Variants in SLC9C1 observed in about 807,000 individuals in gnomAD.
The protein encoded by SLC9C1 is sodium/hydrogen exchanger 10.
A neutral mutation model predicts 140.9 loss-of-function variants in SLC9C1; 97 were observed. The observed-to-expected ratio is 0.69, with a 90% CI of 0.58 to 0.82. The LOEUF is 0.82. Ranked by LOEUF, SLC9C1 falls within the 40% of genes least tolerant of loss-of-function variation. The pLI is 0.00. For synonymous variants in SLC9C1, 440 were observed against 442.6 expected, an observed-to-expected ratio of 0.99 and a Z score of 0.07; for missense variants, 1,340 against 1,389.3, an observed-to-expected ratio of 0.96 and a Z score of 0.56.
At position 112,182,222 on chromosome 3, in the gene SLC9C1, G is replaced by T. The variant is rs765570608; in HGVS notation, c.2560C>A (p.Gln854Lys). 2 of 1,606,086 alleles carry T rather than the reference G, an allele frequency of 1.2e-6. No homozygotes were observed. The highest frequency in any genetic ancestry group is 3.4e-5 in the Admixed American group (2 of 59,172). ...ACAGTAAGAGGCCTGATAATAGATT[G>T]AGAATCAAGCACCTCTTTCTTTTTG... ...MAKKKEVLDS[Q>K]SIIRPLTVEE... Residue 854 changes from glutamine to lysine, a missense_variant, in exon 21 of 29, where the codon CAA (glutamine) becomes AAA (lysine). Transcript: ENST00000305815.
chr3:112,150,567 A>T (rs1423336589), intron 28 of SLC9C1, among the ~76,000 whole-genome samples: 1 of 151,872 alleles, frequency 6.6e-6, no homozygotes, highest in Non-Finnish European at 1.5e-5. Context: ...GCTCACGGAG[A>T]TAATTTTTAT....
At chr3:112,275,310 G>A (rs2080184690) in intron 5 of SLC9C1, among the ~76,000 whole-genome samples, 1 of 152,094 alleles carries the variant, frequency 6.6e-6, no homozygotes, top group Admixed American at 6.6e-5. Context: ...ATACATGCAT[G>A]ATAAATCAGA....
At chr3:112,277,889 T>G (rs780401015) in intron 4 of SLC9C1, 29 bp from the exon 5 acceptor site, 1 of 1,551,682 alleles carries the variant, frequency 6.4e-7, no homozygotes, top group South Asian at 1.2e-5. Flanking sequence ...ATTAGAAAAA[T>G]CAGACTGCTT....
chr3:112,186,409 ATAG>A (rs1265220182), intron 20 of SLC9C1, among the ~76,000 whole-genome samples: 1 of 152,172 alleles, frequency 6.6e-6, no homozygotes, highest in Non-Finnish European at 1.5e-5. Context: ...TATGAATTTA[ATAG>A]TATAAGAACT....
intron 28 of SLC9C1, chr3:112,147,387 G>T: frequency 4.8e-6 from 1 of 209,564 alleles, no homozygotes. Context: ...GGCCTGCAAG[G>T]TATGTACATG....
At chr3:112,285,739 T>C (rs1203665563) in intron 2 of SLC9C1, among the ~76,000 whole-genome samples, 4 of 152,194 alleles carry the variant, frequency 2.6e-5, no homozygotes. Flanking sequence ...TTTTTCCTTA[T>C]GGTATTCAGT....
intron 13 of SLC9C1, among the ~76,000 whole-genome samples, chr3:112,229,196 G>A (rs756159375): frequency 6.6e-6 from 1 of 152,070 alleles, no homozygotes; most frequent in Non-Finnish European, 1.5e-5. Flanking sequence ...GGAGCTAGCA[G>A]GAATAGGTTG....
At chr3:112,172,480 T>A (rs2077264744) in intron 23 of SLC9C1, among the ~76,000 whole-genome samples, 1 of 152,126 alleles carries the variant, frequency 6.6e-6, no homozygotes, top group Non-Finnish European at 1.5e-5. Flanking sequence ...AATGTAGATA[T>A]CATGCCATCT....
chr3:112,260,860 T>A (rs947078640), intron 10 of SLC9C1, among the ~76,000 whole-genome samples: 1 of 152,026 alleles, frequency 6.6e-6, no homozygotes, highest in Non-Finnish European at 1.5e-5. Context: ...TCCTGCAAAA[T>A]CTCTGCTTGT....
At chr3:112,250,619 T>C (rs547754747) in intron 10 of SLC9C1, among the ~76,000 whole-genome samples, 3 of 152,278 alleles carry the variant, frequency 2.0e-5, no homozygotes, top group South Asian at 4.1e-4. Flanking sequence ...TGTAGACATA[T>C]AGATGGCCAA....
At position 112,162,575 on chromosome 3, in the gene SLC9C1, A is replaced by G. The variant is rs530409199; in HGVS notation, c.3364+4646T>C. On this transcript the variant is annotated intron_variant, in intron 26 of 28. Transcript: ENST00000305815. ...TCTGTTTATATGCTGGAGTACATTT[A>G]TTGATTTGCGTATATTGAACCAGCC... 9.2e-5 allele frequency among the ~76,000 whole-genome samples: 14 copies of G among 152,312 alleles called. 1 individual carries two copies. The highest frequency in any genetic ancestry group is 3.4e-4 in the African/African-American group (14 of 41,566).
At chr3:112,206,500 C>T (rs1177192499) in intron 16 of SLC9C1, among the ~76,000 whole-genome samples, 1 of 151,974 alleles carries the variant, frequency 6.6e-6, no homozygotes, top group Admixed American at 6.6e-5. Context: ...TGGGTAGATA[C>T]CTAAAGGATT....
At position 112,278,833 on chromosome 3, in the gene SLC9C1, G is replaced by T. The variant is rs766665435; in HGVS notation, c.214C>A (p.Gln72Lys). ...AAAAATAAGTCTGGACTCATCCATTGTATGGCGTTTGCGTATCTTTGGACC... is the reference window on the plus strand; with the variant it reads ...AAAAATAAGTCTGGACTCATCCATTTTATGGCGTTTGCGTATCTTTGGACC... ...SQVQRYANAI[Q>K]WMSPDLFFRI... The change falls in exon 4 of 29, where the codon CAA (glutamine) becomes AAA (lysine). Residue 72 changes from glutamine to lysine, a missense_variant. By Grantham distance (53) the Gln-to-Lys change is moderately conservative (BLOSUM62 1). Coordinates refer to ENST00000305815, the MANE Select transcript of SLC9C1 (RefSeq NM_183061.3). 4.4e-6 allele frequency: 7 copies of T among 1,605,724 alleles called. No homozygotes were observed. The Admixed American group carries it at 1.2e-4, about 28-fold the overall frequency.
Position 112,202,297 on chromosome 3 carries a change from T to C in SLC9C1, c.2275A>G (p.Ile759Val), listed in dbSNP as rs2077926001. The change falls in exon 18 of 29, where the codon ATA becomes GTA. Residue 759 changes from isoleucine to valine, a missense_variant. Ile to Val is a conservative substitution (Grantham distance 29, BLOSUM62 3). Transcript: ENST00000305815. ...LKGYVQGEAD[I>V]MTIIDQITSS... is the part of the protein sequence containing the mutation. The stretch of plus-strand genomic sequence containing the variant: ...GTAATCTGATCAATTATGGTCATTA[T>C]GTCTGCTTCGCCTTGGACATAGCCT... 4 of 1,611,728 alleles carry C rather than the reference T, an allele frequency of 2.5e-6. No individual in the cohort carries two copies. Among genetic ancestry groups the C allele is most frequent in the Non-Finnish European group, 2.5e-6 (3 of 1,178,960 alleles).
At chr3:112,187,019 TG>T (rs1225186620) in intron 20 of SLC9C1, among the ~76,000 whole-genome samples, 2 of 152,346 alleles carry the variant, frequency 1.3e-5, no homozygotes, top group East Asian at 3.9e-4. Flanking sequence ...ATATTGACCC[TG>T]CTTTCTAAGT....
intron 22 of SLC9C1, among the ~76,000 whole-genome samples, chr3:112,179,985 A>C (rs899532376): frequency 6.6e-6 from 1 of 152,216 alleles, no homozygotes; most frequent in African/African-American, 2.4e-5. Context: ...GATGAATAAC[A>C]ATTTATATTA....
Position 112,198,965 on chromosome 3 carries a change from G to A in SLC9C1, c.2523+356C>T, listed in dbSNP as rs547643553. Among the ~76,000 whole-genome samples, 4 of 151,412 alleles carry A rather than the reference G, an allele frequency of 2.6e-5. No individual in the cohort carries two copies. In the South Asian group the frequency reaches 8.3e-4, roughly 32 times the overall value. On this transcript the variant is annotated intron_variant, in intron 20 of 28. Coordinates refer to ENST00000305815, the MANE Select transcript of SLC9C1 (RefSeq NM_183061.3). Reference sequence around the variant, plus strand: ...GTCAACACTAACCCTACAATTGAGTGTTCTCATAAATCATGTTTTACACGA... The same window carrying A: ...GTCAACACTAACCCTACAATTGAGTATTCTCATAAATCATGTTTTACACGA...
intron 14 of SLC9C1, among the ~76,000 whole-genome samples, chr3:112,218,569 A>G (rs1416148254): frequency 6.6e-6 from 1 of 152,210 alleles, no homozygotes; most frequent in African/African-American, 2.4e-5. Flanking sequence ...GACTTGATTC[A>G]TTTATAATTG....
In SLC9C1 at chr3:112,240,079, T is replaced by G. The variant is rs2079100909; in HGVS notation, c.1280-73A>C. On this transcript the variant is annotated intron_variant, in intron 11 of 28. Transcript: ENST00000305815. The stretch of plus-strand genomic sequence containing the variant: ...TGATATGGGTTAGAAAGCTTACTTT[T>G]GTTTTTAACTTATTGTCACTAATCT... The G allele has an allele frequency of 2.2e-6, 3 of 1,369,128 alleles. No homozygotes were observed. The South Asian group carries it at 4.5e-5, about 21-fold the overall frequency. The allele number at this position is 1,369,128 out of a possible 1,614,324, so 84.8% of individuals were successfully genotyped here. A position where few individuals can be genotyped will look rare whatever the true frequency, so the allele number is the denominator to read the frequency against.
Sources: allele counts gnomAD v4.1 joint callset (sites outside exome capture counted in the v4.1 genomes callset), GRCh38; gene constraint gnomAD v4.1.1; transcripts MANE v1.5; gene names NCBI Gene and HGNC (gene_info 2026-07-23, HGNC 2026-07-21).